ARMH4: variants seen among roughly 807,000 people sequenced by gnomAD.
ARMH4 encodes the protein armadillo like helical domain containing 4.
ARMH4 carries 49 observed loss-of-function variants against 61.9 expected under a neutral mutation model. The ratio of observed to expected loss-of-function variants is 0.79; its 90% CI spans 0.63 to 1.00. The LOEUF (loss-of-function observed/expected upper bound fraction) is 1.00, where lower values mean the gene tolerates loss of function less well. Ranked by LOEUF, ARMH4 falls within the 50% of genes least tolerant of loss-of-function variation. The pLI is 0.00. For synonymous variants in ARMH4, 368 were observed against 341.5 expected (o/e 1.08, Z -0.85); for missense variants, 934 against 930.0 (o/e 1.00, Z -0.06).
intron 5 of ARMH4, among the ~76,000 whole-genome samples, chr14:58,013,516 C>T (rs1179735405): frequency 6.6e-6 from 1 of 152,112 alleles, no homozygotes; most frequent in Non-Finnish European, 1.5e-5. Flanking sequence ...ACCAAGAAGT[C>T]GGTGCCTCCA....
At chr14:58,008,769 A>G (rs1566537307) in intron 6 of ARMH4, among the ~76,000 whole-genome samples, 1 of 152,224 alleles carries the variant, frequency 6.6e-6, no homozygotes, top group Non-Finnish European at 1.5e-5. Context: ...AACAAGCTCC[A>G]GGTGATGCTG....
chr14:58,028,137 C>A (rs1883086622), intron 5 of ARMH4, among the ~76,000 whole-genome samples: 1 of 152,196 alleles, frequency 6.6e-6, no homozygotes, highest in Admixed American at 6.5e-5. Context: ...CATGCTTCCA[C>A]TTGGCCAGGT....
At position 58,092,816 on chromosome 14, in the gene ARMH4, T is replaced by C. The variant is rs141168957; in HGVS notation, c.2089+3908A>G. ...CCATTCCAATTTAAAGATCCTTCCC[T>C]TTTTGTTTTTTTTTTTTTAGACAGG... is the stretch of plus-strand genomic sequence containing the variant. On this transcript the variant is annotated intron_variant, in intron 5 of 7. Transcript: ENST00000267485. Among the ~76,000 whole-genome samples the C allele has an allele frequency of 3.0e-3, 359 of 120,240 alleles. 1 individual carries two copies. The highest frequency in any genetic ancestry group is 0.01 in the African/African-American group (346 of 33,380). The allele number at this position is 120,240 out of a possible 152,430, so 78.9% of individuals were successfully genotyped here.
chr14:58,111,094 A>C (rs926819332), intron 4 of ARMH4, among the ~76,000 whole-genome samples: 6 of 152,158 alleles, frequency 3.9e-5, no homozygotes, highest in African/African-American at 1.4e-4. Context: ...AATTTTTATA[A>C]ATATTTCATG....
At chr14:58,062,846 G>A (rs1189914789) in intron 5 of ARMH4, among the ~76,000 whole-genome samples, 1 of 152,230 alleles carries the variant, frequency 6.6e-6, no homozygotes, top group African/African-American at 2.4e-5. Flanking sequence ...CTCAGCAAGG[G>A]CAATTTTAGG....
At chr14:58,112,060 C>T (rs1380218172) in intron 4 of ARMH4, among the ~76,000 whole-genome samples, 2 of 152,094 alleles carry the variant, frequency 1.3e-5, no homozygotes, top group African/African-American at 4.8e-5. Flanking sequence ...CCTCATATAA[C>T]TTAACTATCC....
At chr14:58,123,716 G>A (rs1330539038) in intron 4 of ARMH4, among the ~76,000 whole-genome samples, 2 of 152,142 alleles carry the variant, frequency 1.3e-5, no homozygotes, top group African/African-American at 2.4e-5. Flanking sequence ...CAAACCCAAC[G>A]TCTCAACTCA....
chr14:58,147,376 G>A (rs1424218847), intron 1 of ARMH4, among the ~76,000 whole-genome samples: 3 of 149,454 alleles, frequency 2.0e-5, no homozygotes, highest in Non-Finnish European at 3.0e-5. Flanking sequence ...GTGCAGTGGC[G>A]AGATCTCAGC....
In ARMH4 at chr14:58,131,718, T is replaced by A. The variant is rs776893510; in HGVS notation, c.1625A>T (p.Gln542Leu). ...SFEVTPTVEE[Q>L]MDTVTGPNEE... The stretch of plus-strand genomic sequence containing the variant: ...ATTTGGCCCTGTGACTGTGTCCATT[T>A]GTTCTGCCAAACACAACAGACAGGA... Residue 542 changes from glutamine (Q) to leucine (L), a missense_variant, in exon 4 of 8, where the codon CAA (glutamine) becomes CTA (leucine). Gln to Leu is a moderately radical substitution (Grantham distance 113). Coordinates refer to ENST00000267485, the MANE Select transcript of ARMH4 (RefSeq NM_001001872.4). 1.2e-6 allele frequency: 2 copies of A among 1,612,598 alleles called. No individual in the cohort carries two copies. The highest frequency in any genetic ancestry group is 2.7e-5 in the African/African-American group (2 of 75,010).
At chr14:58,146,262 G>C (rs780431418) in intron 1 of ARMH4, among the ~76,000 whole-genome samples, 1 of 152,228 alleles carries the variant, frequency 6.6e-6, no homozygotes, top group Non-Finnish European at 1.5e-5. Context: ...AGAATTCTGT[G>C]TCTTAATTAT....
At chr14:58,147,236 G>T (rs923600489) in intron 1 of ARMH4, among the ~76,000 whole-genome samples, 1 of 151,648 alleles carries the variant, frequency 6.6e-6, no homozygotes, top group African/African-American at 2.4e-5. Flanking sequence ...CACCTCATTG[G>T]ATAGTTATTT....
At chr14:58,046,504 G>T (rs118072671) in intron 5 of ARMH4, among the ~76,000 whole-genome samples, 2 of 152,132 alleles carry the variant, frequency 1.3e-5, no homozygotes, top group Non-Finnish European at 2.9e-5. Context: ...ATGAAGACAC[G>T]GAATCCTAAA....
chr14:58,133,332 G>A lies in ARMH4; in HGVS notation c.1379C>T (p.Thr460Ile). ...TTGAACAGCTGTTGTCATCTCTTGAGTGATGATGTCTTAAAGGGGGGAAAA... is the reference window on the plus strand; with the variant it reads ...TTGAACAGCTGTTGTCATCTCTTGAATGATGATGTCTTAAAGGGGGGAAAA... ...LLGNTMKDII[T>I]QEMTTAVQEP... The change falls in exon 3 of 8, where the codon ACT becomes ATT. Residue 460 changes from threonine (T) to isoleucine (I), a missense_variant. By Grantham distance (89) the Thr-to-Ile change is moderately conservative. Transcript: ENST00000267485. The A allele has an allele frequency of 6.2e-7, 1 of 1,613,004 alleles. No individual in the cohort carries two copies. The highest frequency in any genetic ancestry group is 8.5e-7 in the Non-Finnish European group (1 of 1,179,784).
chr14:58,095,137 AT>A (rs1885705506), intron 5 of ARMH4, among the ~76,000 whole-genome samples: 1 of 152,134 alleles, frequency 6.6e-6, no homozygotes, highest in Non-Finnish European at 1.5e-5. Context: ...GTGAGACTTC[AT>A]TTCTTTGATC....
Position 58,151,308 on chromosome 14 carries a change from A to AC in ARMH4, c.-57+766dup, listed in dbSNP as rs1887910981. On this transcript the variant is annotated intron_variant, in intron 1 of 7. Coordinates refer to ENST00000267485, the MANE Select transcript of ARMH4 (RefSeq NM_001001872.4). ...CCAAGGTTCTACATGTTTGGAATCT[A>AC]CACAAGTCAGATTCTGTCAGTGACC... 2.0e-5 allele frequency among the ~76,000 whole-genome samples: 3 copies of AC among 152,164 alleles called. No individual in the cohort carries two copies. The South Asian group carries it at 6.2e-4, about 31-fold the overall frequency.
chr14:58,128,707 A>G (rs528885798), intron 4 of ARMH4, among the ~76,000 whole-genome samples: 1 of 152,312 alleles, frequency 6.6e-6, no homozygotes, highest in African/African-American at 2.4e-5. Context: ...CACTCTACCA[A>G]TTCACATCAC....
intron 5 of ARMH4, among the ~76,000 whole-genome samples, chr14:58,066,099 C>G (rs529578908): frequency 6.6e-6 from 1 of 152,336 alleles, no homozygotes; most frequent in African/African-American, 2.4e-5. Context: ...AGAAGCTTTT[C>G]TTGCCATGTT....
intron 7 of ARMH4, 121 bp from the exon 8 acceptor site, chr14:58,004,925 C>G: frequency 6.5e-7 from 1 of 1,533,206 alleles, no homozygotes; most frequent in South Asian, 1.2e-5. Flanking sequence ...AGCAGCTAAT[C>G]CAGACCACTG....
Position 58,126,925 on chromosome 14 carries a change from C to T in ARMH4, c.1831+4587G>A, listed in dbSNP as rs537564714. 5.7e-4 allele frequency among the ~76,000 whole-genome samples: 87 copies of T among 151,468 alleles called. No individual in the cohort carries two copies. In the South Asian group the frequency reaches 0.016, roughly 28 times the overall value. On this transcript the variant is annotated intron_variant, in intron 4 of 7. Coordinates refer to ENST00000267485, the MANE Select transcript of ARMH4 (RefSeq NM_001001872.4). ...TCAAGTGATTCTCCTGCCTCAGCCT[C>T]CCATGTGGCTGGGATTATAGGTGTG...
Sources: allele counts gnomAD v4.1 joint callset (sites outside exome capture counted in the v4.1 genomes callset), GRCh38; gene constraint gnomAD v4.1.1; transcripts MANE v1.5; gene names NCBI Gene and HGNC (gene_info 2026-07-23, HGNC 2026-07-21).